The following MARK3 variants were observed in gnomAD, a reference collection of about 807,000 sequenced individuals.
The protein encoded by MARK3 is microtubule affinity regulating kinase 3.
In MARK3, 46 loss-of-function variants were observed where a neutral mutation model predicts 90.1. That is an observed-to-expected ratio of 0.51 (90% CI 0.40 to 0.65). MARK3 has a LOEUF of 0.65. Among genes scored for constraint, MARK3 ranks in the 30% least tolerant of loss-of-function variants. The pLI is 0.00. For synonymous variants in MARK3, 321 were observed against 332.6 expected (o/e 0.97, Z 0.38); for missense variants, 818 against 947.2 (o/e 0.86, Z 1.79).
intron 14 of MARK3, chr14:103,490,209 G>C (rs1277655749): frequency 6.6e-6 from 1 of 152,118 alleles, no homozygotes; most frequent in Non-Finnish European, 1.5e-5. Context: ...CAGCCACTTA[G>C]GAGGCTGAGG....
In MARK3 at chr14:103,457,182, G is replaced by A. The variant is rs771663094; in HGVS notation, c.453G>A (p.Lys151=). The change falls in exon 6 of 18, where the codon AAG becomes AAA. Residue 151 remains lysine, a synonymous_variant. Coordinates refer to ENST00000429436, the MANE Select transcript of MARK3 (RefSeq NM_001128918.3). Reference sequence around the variant, plus strand: ...ATTTGGTTGCACATGGCAGGATGAAGGAAAAAGAAGCAAGATCTAAATTTA... The same window carrying A: ...ATTTGGTTGCACATGGCAGGATGAAAGAAAAAGAAGCAAGATCTAAATTTA... The part of the protein sequence containing the change: ...FDYLVAHGRM[K]EKEARSKFRQ... The A allele has an allele frequency of 1.1e-5, 18 of 1,610,304 alleles. No individual in the cohort carries two copies. Among genetic ancestry groups the A allele is most frequent in the African/African-American group, 2.7e-5 (2 of 74,840 alleles).
At chr14:103,497,283 T>TA (rs2075402563) in intron 15 of MARK3, among the ~76,000 whole-genome samples, 1 of 152,212 alleles carries the variant, frequency 6.6e-6, no homozygotes, top group African/African-American at 2.4e-5. Context: ...GGTAGATTAA[T>TA]ACCTAAAGCA....
At chr14:103,491,395 G>C (rs771754678) in intron 14 of MARK3, 10 of 208,828 alleles carry the variant, frequency 4.8e-5, no homozygotes, top group Non-Finnish European at 8.8e-5. Context: ...AAACTTTTTA[G>C]TTGCCTGTTC....
At chr14:103,484,339 G>A (rs892544774) in intron 14 of MARK3, among the ~76,000 whole-genome samples, 1 of 151,968 alleles carries the variant, frequency 6.6e-6, no homozygotes, top group Non-Finnish European at 1.5e-5. Context: ...ACCACACCTG[G>A]CTGATTTTTG....
intron 3 of MARK3, among the ~76,000 whole-genome samples, chr14:103,440,654 C>T (rs1472702786): frequency 6.6e-6 from 1 of 151,818 alleles, no homozygotes; most frequent in Non-Finnish European, 1.5e-5. Flanking sequence ...GATATTTGGC[C>T]AGGCATAGTG....
chr14:103,449,404 C>T (rs1257499871), intron 4 of MARK3, among the ~76,000 whole-genome samples: 2 of 126,420 alleles, frequency 1.6e-5, no homozygotes, highest in Non-Finnish European at 3.2e-5. Context: ...AGCGAGACCC[C>T]GTCTCTCCAA....
Position 103,480,460 on chromosome 14 carries a change from A to C in MARK3, c.1556A>C (p.His519Pro). 1 of 1,612,716 alleles carries C rather than the reference A, an allele frequency of 6.2e-7. No individual in the cohort carries two copies. Among genetic ancestry groups the C allele is most frequent in the Non-Finnish European group, 8.5e-7 (1 of 1,179,034 alleles). Residue 519 changes from histidine to proline, a missense_variant, in exon 14 of 18, where the codon CAC (histidine) becomes CCC (proline). His to Pro is a moderately conservative substitution (Grantham distance 77, BLOSUM62 -2). Coordinates refer to ENST00000429436, the MANE Select transcript of MARK3 (RefSeq NM_001128918.3). ...VCSERTTADR[H>P]SVIQNGKENS... ...AGTGAGAGAACTACAGCTGATAGAC[A>C]CTCAGTGATTCAGAATGGCAAAGAA...
At chr14:103,453,808 G>T (rs967913959) in intron 5 of MARK3, among the ~76,000 whole-genome samples, 3 of 152,124 alleles carry the variant, frequency 2.0e-5, no homozygotes, top group Admixed American at 2.0e-4. Flanking sequence ...CCTTCACAGC[G>T]ACTCCATGCT....
chr14:103,392,097 T>C (rs919240920), intron 1 of MARK3, among the ~76,000 whole-genome samples: 9 of 152,216 alleles, frequency 5.9e-5, no homozygotes, highest in African/African-American at 2.2e-4. Flanking sequence ...GTACTTATTA[T>C]TAGTTAATGC....
intron 2 of MARK3, among the ~76,000 whole-genome samples, chr14:103,416,060 A>G (rs1450234529): frequency 6.6e-6 from 1 of 151,960 alleles, no homozygotes; most frequent in Non-Finnish European, 1.5e-5. Context: ...ATGATCATTT[A>G]TTTTCTTATA....
intron 17 of MARK3, among the ~76,000 whole-genome samples, chr14:103,501,930 G>A (rs568560548): frequency 1.2e-4 from 19 of 152,280 alleles, no homozygotes; most frequent in Non-Finnish European, 2.2e-4. Flanking sequence ...AAAAGCTGTA[G>A]CCCCTCACCT....
At chr14:103,480,194 G>C (rs957971873) in intron 13 of MARK3, among the ~76,000 whole-genome samples, 193 bp from the exon 14 acceptor site, 1 of 152,178 alleles carries the variant, frequency 6.6e-6, no homozygotes, top group Non-Finnish European at 1.5e-5. Context: ...GCTGTGGTGG[G>C]AGGATTGCTT....
intron 12 of MARK3, among the ~76,000 whole-genome samples, chr14:103,470,347 G>A (rs918868142): frequency 7.9e-5 from 12 of 151,866 alleles, no homozygotes; most frequent in Non-Finnish European, 1.8e-4. Flanking sequence ...CAGCCTGTGT[G>A]TCAGAGTCCT....
chr14:103,399,924 A>AC (rs34961566), intron 1 of MARK3, among the ~76,000 whole-genome samples: 41,905 of 105,350 alleles, frequency 0.4, 7,091 homozygotes, highest in Admixed American at 0.49. Context: ...CTCTGTCCTT[A>AC]CCCCCCCACC....
At chr14:103,461,399 C>A (rs971983292) in intron 6 of MARK3, among the ~76,000 whole-genome samples, 1 of 152,106 alleles carries the variant, frequency 6.6e-6, no homozygotes, top group Admixed American at 6.6e-5. Flanking sequence ...TGTGAAATTT[C>A]AGTAAAACAA....
intron 2 of MARK3, among the ~76,000 whole-genome samples, chr14:103,409,421 C>G (rs2091494111): frequency 9.4e-6 from 1 of 106,640 alleles, no homozygotes; most frequent in African/African-American, 3.7e-5. Flanking sequence ...GCACATGTAT[C>G]CCAGAACTTA....
chr14:103,475,176 T>A lies in MARK3; in HGVS notation c.1448T>A (p.Ile483Asn). Residue 483 changes from isoleucine (I) to asparagine (N), a missense_variant, in exon 13 of 18, where the codon ATT becomes AAT. Ile to Asn is a moderately radical substitution (Grantham distance 149). Transcript: ENST00000429436. Reference sequence around the variant, plus strand: ...GCAAGTAATCCTAATAAGGCGGATATTCCTGAACGCAAGAAAAGCTCCACT... The same window carrying A: ...GCAAGTAATCCTAATAAGGCGGATAATCCTGAACGCAAGAAAAGCTCCACT... Reference protein sequence around the residue: ...GNASNPNKADIPERKKSSTVP... With the variant: ...GNASNPNKADNPERKKSSTVP... 6.2e-7 allele frequency: 1 copy of A among 1,613,754 alleles called. No homozygotes were observed. The highest frequency in any genetic ancestry group is 8.5e-7 in the Non-Finnish European group (1 of 1,180,008).
intron 14 of MARK3, among the ~76,000 whole-genome samples, chr14:103,484,668 C>T (rs1248330721): frequency 1.8e-4 from 28 of 152,094 alleles, no homozygotes; most frequent in Non-Finnish European, 4.4e-5. Context: ...CGCGGTGGCT[C>T]CCACCTGTAA....
chr14:103,490,942 C>A (rs1351446623), intron 14 of MARK3: 1 of 1,265,594 alleles, frequency 7.9e-7, no homozygotes, highest in Admixed American at 2.3e-5. Flanking sequence ...TGAACCCAAA[C>A]CCCTCCCAGC....
Sources: gnomAD v4.1 joint callset for allele counts (sites outside exome capture counted in the v4.1 genomes callset) on GRCh38, gnomAD v4.1.1 for gene constraint, MANE v1.5 for transcripts, NCBI Gene and HGNC (gene_info 2026-07-23, HGNC 2026-07-21) for gene names.